DLG2: variants seen among roughly 807,000 people sequenced by gnomAD.
DLG2 encodes the protein disks large homolog 2.
A neutral mutation model predicts 132.5 loss-of-function variants in DLG2; 45 were observed. That is an observed-to-expected ratio of 0.34 (90% CI 0.27 to 0.44). The LOEUF is 0.44. Among genes scored for constraint, DLG2 ranks in the 20% least tolerant of loss-of-function variants. The pLI, the probability that DLG2 is intolerant of heterozygous loss-of-function variation, is 1.00. For missense variants in DLG2, 1,045 were observed against 1,196.9 expected (o/e 0.87, Z 1.87); for synonymous variants, 424 against 419.6 (o/e 1.01, Z -0.13).
At chr11:84,737,059 TTTTTG>T (rs971102006) in intron 6 of DLG2, among the ~76,000 whole-genome samples, 13 of 151,808 alleles carry the variant, frequency 8.6e-5, no homozygotes, top group Middle Eastern at 3.2e-3. Flanking sequence ...TTGCCAAGAG[TTTTTG>T]TTTTGTTTTG....
chr11:85,107,270 A>T (rs969207195), intron 6 of DLG2, among the ~76,000 whole-genome samples: 1 of 152,062 alleles, frequency 6.6e-6, no homozygotes, highest in Admixed American at 6.6e-5. Context: ...ATATGCAACA[A>T]AACAAAAGAA....
intron 17 of DLG2, among the ~76,000 whole-genome samples, chr11:83,787,423 A>G (rs1466717133): frequency 4.1e-5 from 6 of 144,758 alleles, no homozygotes; most frequent in East Asian, 2.1e-4. Flanking sequence ...CCGGGTTCAC[A>G]CCATTCTCCT....
intron 4 of DLG2, among the ~76,000 whole-genome samples, chr11:85,203,282 T>C: frequency 6.6e-6 from 1 of 151,316 alleles, no homozygotes; most frequent in African/African-American, 2.4e-5. Context: ...AACAAACCTG[T>C]AGCTAGATTA....
At chr11:85,513,755 T>C (rs286511) in intron 3 of DLG2, among the ~76,000 whole-genome samples, 116,735 of 151,784 alleles carry the variant, frequency 0.77, 45,388 homozygotes, top group Middle Eastern at 0.85. Flanking sequence ...TAGAAGTATC[T>C]TTTTGTTATT....
chr11:83,993,877 G>T, intron 11 of DLG2, among the ~76,000 whole-genome samples: 1 of 152,118 alleles, frequency 6.6e-6, no homozygotes, highest in East Asian at 1.9e-4. Context: ...TTTAAAAGAT[G>T]TAAAAATCAT....
At chr11:84,518,282 A>C (rs1392736867) in intron 7 of DLG2, among the ~76,000 whole-genome samples, 1 of 151,224 alleles carries the variant, frequency 6.6e-6, no homozygotes, top group African/African-American at 2.4e-5. Flanking sequence ...TTTGAGTTTT[A>C]CCAAATTTTT....
intron 2 of DLG2, among the ~76,000 whole-genome samples, chr11:85,619,547 T>C (rs1406267911): frequency 6.6e-6 from 1 of 151,698 alleles, no homozygotes. Context: ...AGAAAAAACA[T>C]GTGCAGCCAT....
chr11:85,421,735 T>G (rs1368599956), intron 3 of DLG2, among the ~76,000 whole-genome samples: 3 of 152,068 alleles, frequency 2.0e-5, no homozygotes, highest in Non-Finnish European at 2.9e-5. Context: ...TGGTTTTTTG[T>G]TTTTTGTTTT....
rs532168877 is a variant in DLG2, at chr11:83,574,456, T to C, written c.1941-32598A>G. Among the ~76,000 whole-genome samples, 138 of 152,296 alleles carry C rather than the reference T, an allele frequency of 9.1e-4. 1 individual carries two copies. In the South Asian group the frequency reaches 9.3e-3, roughly 10 times the overall value. On this transcript the variant is annotated intron_variant, in intron 19 of 27. Coordinates refer to ENST00000376104, the MANE Select transcript of DLG2 (RefSeq NM_001142699.3). Reference sequence around the variant, plus strand: ...GGTTGGAAATAAATGTATAAGGATATACAATATAGTCATTTTCTGATTTAA... The same window carrying C: ...GGTTGGAAATAAATGTATAAGGATACACAATATAGTCATTTTCTGATTTAA...
intron 3 of DLG2, among the ~76,000 whole-genome samples, chr11:85,427,849 A>G (rs561482879): frequency 1.0e-3 from 152 of 152,360 alleles, no homozygotes; most frequent in Non-Finnish European, 1.7e-3. Context: ...ATAAAGAGTC[A>G]AGACCCATCA....
chr11:84,823,962 C>G (rs923762855), intron 6 of DLG2, among the ~76,000 whole-genome samples: 2 of 151,876 alleles, frequency 1.3e-5, no homozygotes, highest in African/African-American at 4.8e-5. Context: ...TTACTATGTT[C>G]TAGGCATTGT....
At chr11:85,162,158 G>C (rs146493436) in intron 4 of DLG2, among the ~76,000 whole-genome samples, 122 of 152,270 alleles carry the variant, frequency 8.0e-4, no homozygotes, top group African/African-American at 2.9e-3. Context: ...TGGTGTGACT[G>C]ACCCGGACTA....
At chr11:84,159,517 T>C (rs747336519) in intron 9 of DLG2, among the ~76,000 whole-genome samples, 4 of 141,906 alleles carry the variant, frequency 2.8e-5, no homozygotes, top group Non-Finnish European at 6.6e-5. Context: ...GCTTGGCTTG[T>C]TTGAGAAACG....
At chr11:84,511,841 T>C (rs2099257805) in intron 7 of DLG2, among the ~76,000 whole-genome samples, 1 of 152,128 alleles carries the variant, frequency 6.6e-6, no homozygotes, top group Non-Finnish European at 1.5e-5. Flanking sequence ...TCTGATTCAA[T>C]ACAACTAAAA....
intron 6 of DLG2, chr11:84,640,713 G>A (rs939157464): frequency 2.5e-4 from 44 of 172,636 alleles, no homozygotes; most frequent in East Asian, 1.8e-4. Context: ...AGGCCAAGGC[G>A]TGACGATCAT....
At chr11:84,558,251 C>T (rs899086490) in intron 6 of DLG2, among the ~76,000 whole-genome samples, 40 of 152,128 alleles carry the variant, frequency 2.6e-4, no homozygotes, top group African/African-American at 9.7e-4. Flanking sequence ...GATTACATCC[C>T]TTGTGTGCAG....
chr11:83,824,631 T>C (rs2051951954), intron 17 of DLG2, among the ~76,000 whole-genome samples: 2 of 152,220 alleles, frequency 1.3e-5, no homozygotes, highest in Admixed American at 1.3e-4. Context: ...AAAAACACTT[T>C]ATCAGCATTT....
rs138609023 is a variant in DLG2 at position 84,811,503 on chromosome 11, T to C, written c.358-276772A>G. Among the ~76,000 whole-genome samples the C allele has an allele frequency of 5.9e-5, 9 of 152,248 alleles. No homozygotes were observed. The East Asian group carries it at 1.7e-3, about 30-fold the overall frequency. ...TTTATTCAGTCAGTCTTACTTTTTT[T>C]TGTTTTGTACATGGAAAATAACATT... On this transcript the variant is annotated intron_variant, in intron 6 of 27. Coordinates refer to ENST00000376104, the MANE Select transcript of DLG2 (RefSeq NM_001142699.3).
intron 6 of DLG2, among the ~76,000 whole-genome samples, chr11:84,594,368 G>A (rs535604873): frequency 1.3e-5 from 2 of 152,258 alleles, no homozygotes; most frequent in South Asian, 4.2e-4. Flanking sequence ...CATTTATTGA[G>A]CATCTTCTAT....
Sources: gnomAD v4.1 joint callset for allele counts (sites outside exome capture counted in the v4.1 genomes callset) on GRCh38, gnomAD v4.1.1 for gene constraint, MANE v1.5 for transcripts, NCBI Gene and HGNC (gene_info 2026-07-23, HGNC 2026-07-21) for gene names.